The following ITGA6 variants were observed in gnomAD, a reference collection of about 807,000 sequenced individuals.
ITGA6 encodes the protein integrin subunit alpha 6.
ITGA6 carries 63 observed loss-of-function variants against 133.6 expected under a neutral mutation model. That is an observed-to-expected ratio of 0.47 (90% CI 0.38 to 0.58). ITGA6 has a LOEUF of 0.58. Ranked by LOEUF, ITGA6 falls within the 20% of genes least tolerant of loss-of-function variation. The pLI is 0.00. For synonymous variants in ITGA6, 434 were observed against 482.0 expected (o/e 0.90, Z 1.30); for missense variants, 1,068 against 1,309.4 (o/e 0.82, Z 2.85).
intron 1 of ITGA6, among the ~76,000 whole-genome samples, chr2:172,456,932 C>G (rs1249190403): frequency 6.6e-6 from 1 of 152,052 alleles, no homozygotes; most frequent in Admixed American, 6.6e-5. Context: ...TCTAAAAGGA[C>G]CTCAATCCAT....
At position 172,427,733 on chromosome 2, in the gene ITGA6, C is replaced by A; in HGVS notation, c.-56C>A. The A allele has an allele frequency of 2.0e-6, 3 of 1,501,050 alleles. No homozygotes were observed. Among genetic ancestry groups the A allele is most frequent in the Non-Finnish European group, 2.7e-6 (3 of 1,124,824 alleles). 93.0% of individuals were successfully genotyped at this position (1,501,050 alleles called of 1,614,324 possible). A position where few individuals can be genotyped will look rare whatever the true frequency, so the allele number is the denominator to read the frequency against. ...AGCAGCGCGGCAGCCTCGGACCCAG[C>A]CCGGAGCGCAGGGCGGCCGCTGCAG... On this transcript the variant is annotated 5_prime_UTR_variant, in exon 1 of 26. Transcript: ENST00000684293.
chr2:172,472,044 G>A (rs983018294), intron 5 of ITGA6, among the ~76,000 whole-genome samples: 5 of 152,226 alleles, frequency 3.3e-5, no homozygotes, highest in East Asian at 1.9e-4. Context: ...TGTTCAGGCC[G>A]GGCCTGGTGG....
chr2:172,445,644 G>A (rs1337918095), intron 1 of ITGA6, among the ~76,000 whole-genome samples: 1 of 127,272 alleles, frequency 7.9e-6, no homozygotes, highest in South Asian at 3.0e-4. Context: ...GTGAGACTCC[G>A]TCTTTTTTAA....
Position 172,496,183 on chromosome 2 carries a change from CCTT to C in ITGA6, c.2989-1788_2989-1786del, listed in dbSNP as rs543974343. 5.1e-3 allele frequency among the ~76,000 whole-genome samples: 775 copies of C among 152,304 alleles called. 1 individual carries two copies. Among genetic ancestry groups the C allele is most frequent in the Middle Eastern group, 0.024 (7 of 294 alleles). On this transcript the variant is annotated intron_variant, in intron 23 of 25. Transcript: ENST00000684293. ...ACTGGTCTGTCCCTGTTTCTTCTTC[CCTT>C]CTTTGTAGATGTCCCTGTGCTGAAC...
chr2:172,501,913 A>G lies in ITGA6; in HGVS notation c.*22+12A>G, dbSNP rs550698880. On this transcript the variant is annotated intron_variant, in intron 25 of 25. Transcript: ENST00000684293. ...TACTTCTGTAATTGGTAATTGATCA[A>G]TGTTTTTTAATTGCTAGCTGTGGGA... 1.9e-6 allele frequency: 3 copies of G among 1,607,546 alleles called. No individual in the cohort carries two copies. Among genetic ancestry groups the G allele is most frequent in the Admixed American group, 1.7e-5 (1 of 59,872 alleles).
At position 172,488,247 on chromosome 2, in the gene ITGA6, T is replaced by C; in HGVS notation, c.2505+19T>C. ...ATTCAGGGTAAGTTGGAGCAGTTGGTCTTTTCATTATACCAAAAGCTGACA... is the reference window on the plus strand; with the variant it reads ...ATTCAGGGTAAGTTGGAGCAGTTGGCCTTTTCATTATACCAAAAGCTGACA... On this transcript the variant is annotated intron_variant, in intron 19 of 25. Coordinates refer to ENST00000684293, the MANE Select transcript of ITGA6 (RefSeq NM_000210.4). The C allele has an allele frequency of 6.6e-7, 1 of 1,522,054 alleles. No individual in the cohort carries two copies. Among genetic ancestry groups the C allele is most frequent in the Middle Eastern group, 1.7e-4 (1 of 5,916 alleles). 94.3% of individuals were successfully genotyped at this position (1,522,054 alleles called of 1,614,324 possible).
Position 172,505,658 on chromosome 2 carries a change from A to C in ITGA6, c.*1590A>C, listed in dbSNP as rs1011935409. 6.6e-6 allele frequency: 1 copy of C among 152,612 alleles called. No individual in the cohort carries two copies. Among genetic ancestry groups the C allele is most frequent in the Non-Finnish European group, 1.5e-5 (1 of 68,036 alleles). The allele number at this position is 152,612 out of a possible 1,614,324, so 9.5% of individuals were successfully genotyped here. The stretch of plus-strand genomic sequence containing the variant: ...AAACAGGTGCTAATTTGTTTTGGAT[A>C]TAGTATAAGCAGTGTCTGTGTTTTG... On this transcript the variant is annotated 3_prime_UTR_variant, in exon 26 of 26. Transcript: ENST00000684293.
At chr2:172,454,803 T>C (rs908085348) in intron 1 of ITGA6, among the ~76,000 whole-genome samples, 4 of 152,164 alleles carry the variant, frequency 2.6e-5, no homozygotes, top group Admixed American at 2.0e-4. Flanking sequence ...GTTCTTGTAA[T>C]GTGGAAGAGG....
chr2:172,487,897 G>A (rs978551984), intron 17 of ITGA6, 64 bp from the exon 18 acceptor site: 17 of 1,519,284 alleles, frequency 1.1e-5, no homozygotes, highest in Non-Finnish European at 1.5e-5. Flanking sequence ...CATAAAAGAA[G>A]TCTAATTGTA....
chr2:172,445,214 C>T lies in ITGA6; in HGVS notation c.182+17244C>T, dbSNP rs1684708807. Among the ~76,000 whole-genome samples, 3 of 151,826 alleles carry T rather than the reference C, an allele frequency of 2.0e-5. No individual in the cohort carries two copies. The South Asian group carries it at 6.3e-4, about 32-fold the overall frequency. ...ACTTCTGACCTCAAGCGACTGCCCG[C>T]CTCAGCCTCCCAAACTGCTGAGATT... On this transcript the variant is annotated intron_variant, in intron 1 of 25. Coordinates refer to ENST00000684293, the MANE Select transcript of ITGA6 (RefSeq NM_000210.4).
intron 24 of ITGA6, among the ~76,000 whole-genome samples, chr2:172,500,367 C>T (rs1282717781): frequency 1.3e-5 from 2 of 152,152 alleles, no homozygotes; most frequent in Non-Finnish European, 2.9e-5. Flanking sequence ...AATCCCAGCA[C>T]TTTGGGAGGC....
intron 1 of ITGA6, among the ~76,000 whole-genome samples, chr2:172,442,013 C>G (rs1484328347): frequency 1.3e-5 from 2 of 152,164 alleles, no homozygotes; most frequent in Non-Finnish European, 2.9e-5. Context: ...TCTTTCTCAT[C>G]ATAGAGAGGT....
chr2:172,472,462 T>A (rs1001014078), intron 5 of ITGA6, among the ~76,000 whole-genome samples: 1 of 152,262 alleles, frequency 6.6e-6, no homozygotes, highest in Non-Finnish European at 1.5e-5. Context: ...TTTGAAAATA[T>A]GAAGCATTTT....
At chr2:172,462,805 C>T (rs193146016) in intron 1 of ITGA6, among the ~76,000 whole-genome samples, 2 of 152,290 alleles carry the variant, frequency 1.3e-5, no homozygotes, top group East Asian at 3.9e-4. Context: ...GCTACAGAAG[C>T]CTGGGGTTCA....
rs528697041 is a variant in ITGA6 at position 172,487,819 on chromosome 2, A to G, written c.2324+12A>G. 2.5e-6 allele frequency: 4 copies of G among 1,574,784 alleles called. No homozygotes were observed. The highest frequency in any genetic ancestry group is 2.2e-5 in the East Asian group (1 of 44,656). On this transcript the variant is annotated intron_variant, in intron 17 of 25. Transcript: ENST00000684293. The stretch of plus-strand genomic sequence containing the variant: ...CTGAAGTTAGAAACGTAAGAGTTAC[A>G]TCAACCTCTCCATTCAGAATTATTT...
intron 1 of ITGA6, among the ~76,000 whole-genome samples, chr2:172,447,002 A>G (rs1360754806): frequency 2.0e-5 from 3 of 151,826 alleles, no homozygotes; most frequent in Non-Finnish European, 2.9e-5. Flanking sequence ...GGTCCAAGCG[A>G]TTCTTGTGCC....
At chr2:172,435,374 C>T (rs921422662) in intron 1 of ITGA6, among the ~76,000 whole-genome samples, 1 of 151,984 alleles carries the variant, frequency 6.6e-6, no homozygotes, top group Non-Finnish European at 1.5e-5. Context: ...CCCCATTCCC[C>T]TGATATATCT....
intron 23 of ITGA6, among the ~76,000 whole-genome samples, chr2:172,492,044 C>T (rs570373999): frequency 2.6e-5 from 4 of 152,306 alleles, no homozygotes; most frequent in Non-Finnish European, 4.4e-5. Flanking sequence ...TCTTATTCTT[C>T]TCAGAGCTTA....
At chr2:172,499,834 G>A in intron 24 of ITGA6, among the ~76,000 whole-genome samples, 1 of 152,114 alleles carries the variant, frequency 6.6e-6, no homozygotes, top group East Asian at 1.9e-4. Context: ...TATAATCTTG[G>A]TCAAATCATT....
Sources: gnomAD v4.1 joint callset for allele counts (sites outside exome capture counted in the v4.1 genomes callset) on GRCh38, gnomAD v4.1.1 for gene constraint, MANE v1.5 for transcripts, NCBI Gene and HGNC (gene_info 2026-07-23, HGNC 2026-07-21) for gene names.